The following AFAP1L1 variants were observed in gnomAD, a reference collection of about 807,000 sequenced individuals.
AFAP1L1 encodes actin filament associated protein 1 like 1.
Under a neutral mutation model 99.8 loss-of-function variants are expected in AFAP1L1, and 77 were observed. That is an observed-to-expected ratio of 0.77 (90% CI 0.64 to 0.93). AFAP1L1 has a LOEUF of 0.93. Among genes scored for constraint, AFAP1L1 ranks in the 40% least tolerant of loss-of-function variants. The pLI is 0.00. For missense variants in AFAP1L1, 893 were observed against 996.8 expected (o/e 0.90, Z 1.40); for synonymous variants, 373 against 395.3 (o/e 0.94, Z 0.67).
rs779750879 is a variant in AFAP1L1 at position 149,316,349 on chromosome 5, G to C, written c.1267+46G>C. ...GGAAGGGTGCTCAGGTCCTGTGTGC[G>C]CGGGCTTTGGGGGCTGAGGCCAGGA... On this transcript the variant is annotated intron_variant, in intron 11 of 18. Coordinates refer to ENST00000296721, the MANE Select transcript of AFAP1L1 (RefSeq NM_152406.4). 3 of 1,588,542 alleles carry C rather than the reference G, an allele frequency of 1.9e-6. No individual in the cohort carries two copies. In the Admixed American group the frequency reaches 5.1e-5, roughly 27 times the overall value.
Position 149,293,585 on chromosome 5 carries a change from C to T in AFAP1L1, c.17-5924C>T, listed in dbSNP as rs560415076. 2.0e-5 allele frequency among the ~76,000 whole-genome samples: 3 copies of T among 152,272 alleles called. No individual in the cohort carries two copies. The East Asian group carries it at 5.8e-4, about 29-fold the overall frequency. ...ATGTTCATTGGACATCTACTGTGTACTGATTGAAACACAGACCCTGTCCTC... is the reference window on the plus strand; with the variant it reads ...ATGTTCATTGGACATCTACTGTGTATTGATTGAAACACAGACCCTGTCCTC... On this transcript the variant is annotated intron_variant, in intron 1 of 18. Transcript: ENST00000296721.
chr5:149,276,981 C>T (rs776694237), intron 1 of AFAP1L1, among the ~76,000 whole-genome samples: 6 of 152,230 alleles, frequency 3.9e-5, no homozygotes, highest in Non-Finnish European at 7.3e-5. Flanking sequence ...TTCAAGCCTA[C>T]TGACTGTGGC....
At position 149,322,732 on chromosome 5, in the gene AFAP1L1, G is replaced by A; in HGVS notation, c.1810+15G>A. 3.2e-6 allele frequency: 5 copies of A among 1,561,880 alleles called. No individual in the cohort carries two copies. The highest frequency in any genetic ancestry group is 4.3e-6 in the Non-Finnish European group (5 of 1,150,558). Reference sequence around the variant, plus strand: ...CCACGCCTCCAGTGAGTTGTGTGTGGGCCTCCCCTGCTGACTAGGGAGGAA... The same window carrying A: ...CCACGCCTCCAGTGAGTTGTGTGTGAGCCTCCCCTGCTGACTAGGGAGGAA... On this transcript the variant is annotated intron_variant, in intron 15 of 18. Coordinates refer to ENST00000296721, the MANE Select transcript of AFAP1L1 (RefSeq NM_152406.4).
intron 15 of AFAP1L1, 87 bp downstream of exon 15, chr5:149,322,804 G>T (rs1756992133): frequency 5.4e-6 from 6 of 1,106,432 alleles, no homozygotes; most frequent in Admixed American, 2.6e-5. Flanking sequence ...AGTTTCCCTG[G>T]TGGGTAAATA....
intron 16 of AFAP1L1, among the ~76,000 whole-genome samples, chr5:149,331,229 G>C (rs918125113): frequency 6.6e-5 from 10 of 152,078 alleles, no homozygotes; most frequent in African/African-American, 1.9e-4. Flanking sequence ...TTGAGTGCAG[G>C]AGTTCGACAC....
At chr5:149,289,315 T>C (rs549304729) in intron 1 of AFAP1L1, among the ~76,000 whole-genome samples, 1 of 152,324 alleles carries the variant, frequency 6.6e-6, no homozygotes, top group Admixed American at 6.5e-5. Context: ...TAAAAGGATA[T>C]TCAGTTTCCT....
At chr5:149,304,728 C>G (rs966101371) in intron 5 of AFAP1L1, among the ~76,000 whole-genome samples, 3 of 151,570 alleles carry the variant, frequency 2.0e-5, no homozygotes, top group Non-Finnish European at 4.4e-5. Flanking sequence ...TCACACCTGA[C>G]CCCCCCGTTC....
rs1756473971 is a variant in AFAP1L1 at position 149,307,818 on chromosome 5, T to TTCTCTCCCTCTCTCTCTC, written c.747+211_747+212insCCTCTCTCTCTCTCTCTC. Among the ~76,000 whole-genome samples the TTCTCTCCCTCTCTCTCTC allele has an allele frequency of 3.0e-5, 3 of 100,502 alleles. No homozygotes were observed. In the South Asian group the frequency reaches 1.2e-3, roughly 42 times the overall value. The allele number at this position is 100,502 out of a possible 152,430, so 65.9% of individuals were successfully genotyped here. ...ACACACACACACCCTGTGCCTCTCT[T>TTCTCTCCCTCTCTCTCTC]TCTCTCTCTCTCTCTCTCTCTCTCT... On this transcript the variant is annotated intron_variant, in intron 7 of 18. Transcript: ENST00000296721.
Position 149,332,779 on chromosome 5 carries a change from A to G in AFAP1L1, c.2060A>G (p.Glu687Gly), listed in dbSNP as rs781303670. ...RAKEERRIDL[E>G]LKLVAVKERL... ...AAGGAGGAGCGCCGGATTGACCTGG[A>G]GCTGAAGCTGGTGGCTGTGAAGGAG... Residue 687 changes from glutamate (E) to glycine (G), a missense_variant, in exon 17 of 19, where the codon GAG (glutamate) becomes GGG (glycine). By Grantham distance (98) the Glu-to-Gly change is moderately conservative. Transcript: ENST00000296721. The G allele has an allele frequency of 2.5e-6, 4 of 1,613,536 alleles. No individual in the cohort carries two copies. The highest frequency in any genetic ancestry group is 2.5e-6 in the Non-Finnish European group (3 of 1,179,994).
At chr5:149,308,872 A>G (rs969962504) in intron 7 of AFAP1L1, among the ~76,000 whole-genome samples, 3 of 151,678 alleles carry the variant, frequency 2.0e-5, no homozygotes, top group South Asian at 2.1e-4. Flanking sequence ...AGGCAGGAGG[A>G]TCACTTGAAG....
chr5:149,298,156 G>A (rs1040875087), intron 1 of AFAP1L1, among the ~76,000 whole-genome samples: 1 of 152,248 alleles, frequency 6.6e-6, no homozygotes, highest in Middle Eastern at 3.4e-3. Context: ...CTGCAGCTCC[G>A]GGTCAGTGTC....
chr5:149,272,477 G>A (rs984085609), intron 1 of AFAP1L1, among the ~76,000 whole-genome samples: 1 of 152,170 alleles, frequency 6.6e-6, no homozygotes, highest in East Asian at 1.9e-4. Flanking sequence ...CGCCAGGGAG[G>A]GAGGAGGCGG....
In AFAP1L1 at chr5:149,320,587, G is replaced by A; in HGVS notation, c.1698+124G>A. Reference sequence around the variant, plus strand: ...CATTTAAGCAGCAGTAGCTAGAAGGGGAGCCCCTTCTTATCATAGAGCATG... The same window carrying A: ...CATTTAAGCAGCAGTAGCTAGAAGGAGAGCCCCTTCTTATCATAGAGCATG... On this transcript the variant is annotated intron_variant, in intron 14 of 18. Coordinates refer to ENST00000296721, the MANE Select transcript of AFAP1L1 (RefSeq NM_152406.4). The surrounding 1 kb of genome is among the most constrained non-coding windows in gnomAD (Gnocchi z 4.0). 1 of 864,370 alleles carries A rather than the reference G, an allele frequency of 1.2e-6. No individual in the cohort carries two copies. Among genetic ancestry groups the A allele is most frequent in the Non-Finnish European group, 1.8e-6 (1 of 550,180 alleles). 53.5% of individuals were successfully genotyped at this position (864,370 alleles called of 1,614,324 possible).
Position 149,320,885 on chromosome 5 carries a change from G to C in AFAP1L1, c.1698+422G>C, listed in dbSNP as rs1457397080. On this transcript the variant is annotated intron_variant, in intron 14 of 18. Transcript: ENST00000296721. This position sits in a 1 kb window ranked among gnomAD's most constrained non-coding sequence, Gnocchi z 4.0. ...TGTGATCTGGGAGCTTCAGCTCCCA[G>C]GCCAGTCTCCATGTTTTGCTTGCTA... 6.6e-6 allele frequency among the ~76,000 whole-genome samples: 1 copy of C among 152,226 alleles called. No homozygotes were observed. The highest frequency in any genetic ancestry group is 6.5e-5 in the Admixed American group (1 of 15,282).
intron 1 of AFAP1L1, among the ~76,000 whole-genome samples, chr5:149,278,882 C>T (rs2127588454): frequency 6.6e-6 from 1 of 152,334 alleles, no homozygotes; most frequent in Admixed American, 6.5e-5. Context: ...CCTCTTGCTA[C>T]ACTCACTCCT....
At chr5:149,280,871 C>T (rs1459685315) in intron 1 of AFAP1L1, among the ~76,000 whole-genome samples, 1 of 152,180 alleles carries the variant, frequency 6.6e-6, no homozygotes, top group Non-Finnish European at 1.5e-5. Context: ...ACTCCAGCCT[C>T]CAATAAATAT....
chr5:149,334,161 G>A (rs1757338649), intron 17 of AFAP1L1, among the ~76,000 whole-genome samples: 1 of 152,212 alleles, frequency 6.6e-6, no homozygotes, highest in Non-Finnish European at 1.5e-5. Context: ...AGGAGGCAAT[G>A]TGTCATTATT....
At chr5:149,311,102 A>G (rs922062092) in intron 8 of AFAP1L1, among the ~76,000 whole-genome samples, 3 of 151,800 alleles carry the variant, frequency 2.0e-5, no homozygotes, top group African/African-American at 4.8e-5. Context: ...CACCGCCTCT[A>G]CTTCACTCTG....
chr5:149,316,348 C>T (rs779112837), intron 11 of AFAP1L1, 45 bp downstream of exon 11: 15 of 1,589,146 alleles, frequency 9.4e-6, no homozygotes, highest in South Asian at 4.5e-5. Context: ...GTCCTGTGTG[C>T]GCGGGCTTTG....
Sources: allele counts gnomAD v4.1 joint callset (sites outside exome capture counted in the v4.1 genomes callset), GRCh38; gene constraint gnomAD v4.1.1; non-coding constraint Gnocchi (gnomAD v3.1); transcripts MANE v1.5; gene names NCBI Gene and HGNC (gene_info 2026-07-23, HGNC 2026-07-21).